Variants in NBAS observed in about 807,000 individuals in gnomAD.
NBAS encodes the protein NAG/BC035112 fusion.
In NBAS, 219 loss-of-function variants were observed where a neutral mutation model predicts 302.5. The observed-to-expected ratio is 0.72, with a 90% CI of 0.65 to 0.81. The LOEUF is 0.81. Among genes scored for constraint, NBAS ranks in the 30% least tolerant of loss-of-function variants. The pLI is 0.00. For missense variants in NBAS, 2,932 were observed against 2,841.6 expected (o/e 1.03, Z -0.72); for synonymous variants, 1,118 against 1,021.6 (o/e 1.09, Z -1.80).
At chr2:15,118,088 G>A in the NBAS span, among the ~76,000 whole-genome samples, 206 of 152,296 alleles carry the variant, frequency 1.4e-3, no homozygotes, top group Non-Finnish European at 2.5e-3. Context: ...ACTTGTCCTG[G>A]TAATTCACTG....
At chr2:15,250,996 G>C (rs2147985937) in intron 44 of NBAS, among the ~76,000 whole-genome samples, 1 of 152,232 alleles carries the variant, frequency 6.6e-6, no homozygotes, top group Admixed American at 6.5e-5. Flanking sequence ...CTACTATAAA[G>C]ACACATGCAT....
At chr2:15,427,440 T>G (rs1318350589) in intron 22 of NBAS, among the ~76,000 whole-genome samples, 2 of 152,160 alleles carry the variant, frequency 1.3e-5, no homozygotes, top group African/African-American at 4.8e-5. Flanking sequence ...TTAATATCAC[T>G]ATATGTGAAA....
intron 11 of NBAS, among the ~76,000 whole-genome samples, chr2:15,493,893 C>T (rs1370142649): frequency 7.0e-6 from 1 of 143,218 alleles, no homozygotes; most frequent in Non-Finnish European, 1.5e-5. Context: ...GTGGTGCAAT[C>T]TCAGCTCACT....
rs1486558588 is a variant in NBAS at position 15,169,100 on chromosome 2, C to T, written c.6841-1777G>A. ...CATTTTTGTAAACTGCACAAGTACA[C>T]GATAAAGACCCTACCTCTCAGAGAG... is the stretch of plus-strand genomic sequence containing the variant. On this transcript the variant is annotated intron_variant, in intron 51 of 51. Transcript: ENST00000281513. Among the ~76,000 whole-genome samples, 5 of 152,164 alleles carry T rather than the reference C, an allele frequency of 3.3e-5. No homozygotes were observed. In the East Asian group the frequency reaches 5.8e-4, roughly 18 times the overall value.
At chr2:15,529,226 G>A (rs187664113) in intron 9 of NBAS, among the ~76,000 whole-genome samples, 6 of 152,158 alleles carry the variant, frequency 3.9e-5, no homozygotes, top group East Asian at 3.9e-4. Context: ...TTGGCAGGGC[G>A]TGGTGGCTCA....
chr2:14,800,340 A>C, the NBAS span, among the ~76,000 whole-genome samples: 1 of 152,118 alleles, frequency 6.6e-6, no homozygotes, highest in Non-Finnish European at 1.5e-5. Flanking sequence ...TATAAGGTGA[A>C]CAAGCTCTCT....
chr2:15,391,020 G>T (rs912383743), intron 28 of NBAS, among the ~76,000 whole-genome samples: 2 of 151,930 alleles, frequency 1.3e-5, no homozygotes, highest in Admixed American at 6.6e-5. Context: ...TGAGACAGGA[G>T]AATCACTTGA....
chr2:15,406,011 T>C (rs1676389724), intron 25 of NBAS, among the ~76,000 whole-genome samples: 1 of 149,580 alleles, frequency 6.7e-6, no homozygotes, highest in African/African-American at 2.5e-5. Flanking sequence ...ACAAATTCAA[T>C]GCAATCACAA....
intron 21 of NBAS, among the ~76,000 whole-genome samples, chr2:15,442,204 A>AT (rs958783292): frequency 8.4e-6 from 1 of 118,556 alleles, no homozygotes; most frequent in African/African-American, 3.1e-5. Flanking sequence ...CAGAATATAC[A>AT]TTTTTTTCAG....
rs34962722 is a variant in NBAS, at chr2:15,328,301, A to C, written c.4359T>G (p.Cys1453Trp). 0.012 allele frequency: 19,272 copies of C among 1,613,626 alleles called. 315 individuals carry two copies. Among genetic ancestry groups the C allele is most frequent in the African/African-American group, 0.058 (4,318 of 74,944 alleles). The change falls in exon 37 of 52, where the codon TGT becomes TGG. Residue 1453 changes from cysteine (C) to tryptophan (W), a missense_variant. Cys to Trp is a radical substitution (Grantham distance 215). Coordinates refer to ENST00000281513, the MANE Select transcript of NBAS (RefSeq NM_015909.4). ...TAGTTCCGATTTGATATGCACCACCACATTTTTGCCCCTAAAAAGAAAAAA... is the reference window on the plus strand; with the variant it reads ...TAGTTCCGATTTGATATGCACCACCCCATTTTTGCCCCTAAAAAGAAAAAA... ...TYLRPLQGQK[C>W]GGAYQIGTTA...
chr2:15,454,414 C>A (rs1679156734), intron 21 of NBAS, among the ~76,000 whole-genome samples: 2 of 151,718 alleles, frequency 1.3e-5, no homozygotes, highest in Admixed American at 6.6e-5. Flanking sequence ...AAAAAAAAAA[C>A]TGTTAAATCC....
the NBAS span, among the ~76,000 whole-genome samples, chr2:14,985,713 A>G: frequency 1.3e-5 from 2 of 152,330 alleles, no homozygotes; most frequent in Non-Finnish European, 2.9e-5. Flanking sequence ...CTAGTGGGGT[A>G]CCTAATAAAG....
chr2:15,157,751 T>C, the NBAS span, among the ~76,000 whole-genome samples: 3 of 152,098 alleles, frequency 2.0e-5, no homozygotes, highest in South Asian at 2.1e-4. Flanking sequence ...CTGAGGAACA[T>C]CATGGAAAGA....
intron 32 of NBAS, among the ~76,000 whole-genome samples, chr2:15,365,269 A>C (rs1237035380): frequency 3.9e-5 from 6 of 152,142 alleles, no homozygotes; most frequent in African/African-American, 1.4e-4. Flanking sequence ...ACAAAGACAA[A>C]AGAGGAAACA....
At chr2:15,533,519 C>A (rs1477078524) in intron 9 of NBAS, among the ~76,000 whole-genome samples, 4 of 152,078 alleles carry the variant, frequency 2.6e-5, no homozygotes, top group Non-Finnish European at 5.9e-5. Flanking sequence ...CTGTGTGATT[C>A]CATTTACGTG....
chr2:14,802,979 T>G, the NBAS span, among the ~76,000 whole-genome samples: 4 of 150,396 alleles, frequency 2.7e-5, no homozygotes, highest in African/African-American at 9.8e-5. Context: ...GCATGGCACA[T>G]GTATACATAT....
chr2:14,871,207 G>A, the NBAS span, among the ~76,000 whole-genome samples: 1 of 150,766 alleles, frequency 6.6e-6, no homozygotes, highest in African/African-American at 2.4e-5. Context: ...AACAGAAATA[G>A]AGGAGAAAGA....
the NBAS span, among the ~76,000 whole-genome samples, chr2:14,815,532 T>G: frequency 2.6e-5 from 4 of 152,360 alleles, 1 homozygote; most frequent in South Asian, 8.3e-4. Context: ...TAATTTCAAA[T>G]AGAGAAGTCA....
At chr2:14,855,683 C>A in the NBAS span, among the ~76,000 whole-genome samples, 37 of 152,188 alleles carry the variant, frequency 2.4e-4, no homozygotes, top group African/African-American at 8.7e-4. Context: ...GGTTCCTGTC[C>A]CTTTGGAAAT....
Sources: allele counts gnomAD v4.1 joint callset (sites outside exome capture counted in the v4.1 genomes callset), GRCh38; gene constraint gnomAD v4.1.1; transcripts MANE v1.5; gene names NCBI Gene and HGNC (gene_info 2026-07-23, HGNC 2026-07-21).